Variants in USP13 observed in about 807,000 individuals in gnomAD.
USP13 encodes ubiquitin carboxyl-terminal hydrolase 13.
A neutral mutation model predicts 107.8 loss-of-function variants in USP13; 68 were observed. That is an observed-to-expected ratio of 0.63 (90% CI 0.52 to 0.77). The LOEUF is 0.77. Ranked by LOEUF, USP13 falls within the 30% of genes least tolerant of loss-of-function variation. The probability of loss-of-function intolerance (pLI) is 0.00; values close to 1 mark genes in which losing one functional copy is unlikely to be tolerated. For missense variants in USP13, 945 were observed against 1,093.3 expected (o/e 0.86, Z 1.91); for synonymous variants, 377 against 389.5 (o/e 0.97, Z 0.38).
At position 179,721,709 on chromosome 3, in the gene USP13, C is replaced by A; in HGVS notation, c.1088+120C>A. On this transcript the variant is annotated intron_variant, in intron 8 of 20. Coordinates refer to ENST00000263966, the MANE Select transcript of USP13 (RefSeq NM_003940.3). This position sits in a 1 kb window ranked among gnomAD's most constrained non-coding sequence, Gnocchi z 4.3. ...GCTTCAGGACATTTTGCCACCTTTT[C>A]TCTGGCCTGCCTTCTACAGAGACTG... 1 of 1,062,846 alleles carries A rather than the reference C, an allele frequency of 9.4e-7. No individual in the cohort carries two copies. The highest frequency in any genetic ancestry group is 1.3e-6 in the Non-Finnish European group (1 of 748,410). 65.8% of individuals were successfully genotyped at this position (1,062,846 alleles called of 1,614,324 possible).
At position 179,769,993 on chromosome 3, in the gene USP13, G is replaced by A. The variant is rs530494757; in HGVS notation, c.2413+4145G>A. Among the ~76,000 whole-genome samples the A allele has an allele frequency of 8.5e-5, 13 of 152,266 alleles. No individual in the cohort carries two copies. The South Asian group carries it at 2.7e-3, about 32-fold the overall frequency. On this transcript the variant is annotated intron_variant, in intron 19 of 20. Coordinates refer to ENST00000263966, the MANE Select transcript of USP13 (RefSeq NM_003940.3). ...GTGACTCTCCACAAACACAGCAGGG[G>A]GCCACATCCTGGTCACACTGGTGAC... is the stretch of plus-strand genomic sequence containing the variant.
chr3:179,776,460 G>C (rs1715542708), intron 19 of USP13, among the ~76,000 whole-genome samples: 1 of 152,090 alleles, frequency 6.6e-6, no homozygotes, highest in African/African-American at 2.4e-5. Flanking sequence ...GAGTACAATT[G>C]CTGTTAGGTT....
chr3:179,674,263 C>T (rs1720830134), intron 1 of USP13, among the ~76,000 whole-genome samples: 1 of 152,116 alleles, frequency 6.6e-6, no homozygotes, highest in African/African-American at 2.4e-5. Flanking sequence ...ATCTGTTTGC[C>T]CAGGACATAG....
chr3:179,751,455 G>A (rs1316349851), intron 13 of USP13, among the ~76,000 whole-genome samples: 1 of 152,132 alleles, frequency 6.6e-6, no homozygotes, highest in Non-Finnish European at 1.5e-5. Context: ...AGCCAAAGTT[G>A]CAGTAAGCCC....
intron 19 of USP13, 125 bp downstream of exon 19, chr3:179,765,973 C>A: frequency 2.3e-4 from 202 of 877,938 alleles, no homozygotes; most frequent in Non-Finnish European, 2.9e-4. Context: ...ATCCCATCTT[C>A]TTCGTTTTTT....
rs1248127988 is a variant in USP13 at position 179,754,847 on chromosome 3, C to T, written c.1914C>T (p.Asp638=). 1.2e-6 allele frequency: 2 copies of T among 1,609,928 alleles called. No individual in the cohort carries two copies. The highest frequency in any genetic ancestry group is 1.7e-6 in the Non-Finnish European group (2 of 1,178,380). ...DISPPIVIPD[D]SKDRLMNQLI... ...GCCCCCCCATAGTCATTCCTGATGA[C>T]TCAAAAGGTACCATCTCCTGCCAGG... Residue 638 remains aspartate (D), a synonymous_variant, in exon 15 of 21, where the codon GAC becomes GAT. Transcript: ENST00000263966.
chr3:179,780,665 G>A (rs1259495905), intron 19 of USP13, among the ~76,000 whole-genome samples: 1 of 152,110 alleles, frequency 6.6e-6, no homozygotes, highest in African/African-American at 2.4e-5. Flanking sequence ...ATTTGAGAAC[G>A]GAGGTCATCA....
intron 1 of USP13, among the ~76,000 whole-genome samples, chr3:179,680,007 T>C (rs1238652293): frequency 6.6e-6 from 1 of 152,000 alleles, no homozygotes; most frequent in East Asian, 1.9e-4. Context: ...AAACCCTATC[T>C]CTACAAGAAA....
intron 15 of USP13, 84 bp downstream of exon 15, chr3:179,754,938 T>C: frequency 6.8e-7 from 1 of 1,476,540 alleles, no homozygotes; most frequent in South Asian, 1.4e-5. Context: ...ACTGTGTTGC[T>C]GCTACCACCA....
chr3:179,736,736 C>T (rs1714009194), intron 10 of USP13, among the ~76,000 whole-genome samples: 1 of 152,126 alleles, frequency 6.6e-6, no homozygotes, highest in Non-Finnish European at 1.5e-5. Context: ...AGGTATGGGG[C>T]TGAATTTCTA....
In USP13 at chr3:179,655,560, T is replaced by TG. The variant is rs1560036554; in HGVS notation, c.168+2167_168+2168insG. On this transcript the variant is annotated intron_variant, in intron 1 of 20. Coordinates refer to ENST00000263966, the MANE Select transcript of USP13 (RefSeq NM_003940.3). Reference sequence around the variant, plus strand: ...TGATAATGGGAAGGTTTTTTTTGTTTTGTTTTGTTTTTTTTTTGAGTTTTG... The same window carrying TG: ...TGATAATGGGAAGGTTTTTTTTGTTTGTGTTTTGTTTTTTTTTTGAGTTTTG... Among the ~76,000 whole-genome samples, 599 of 139,006 alleles carry TG rather than the reference T, an allele frequency of 4.3e-3. 14 individuals carry two copies. The highest frequency in any genetic ancestry group is 0.024 in the Middle Eastern group (6 of 252). The allele number at this position is 139,006 out of a possible 152,430, so 91.2% of individuals were successfully genotyped here.
Position 179,786,638 on chromosome 3 carries a change from C to T in USP13, c.*2497C>T, listed in dbSNP as rs1308227317. Reference sequence around the variant, plus strand: ...AATGGGTTTCTTACTTGCTTAAAAGCATATTTATATGTGTATCTCAATATA... The same window carrying T: ...AATGGGTTTCTTACTTGCTTAAAAGTATATTTATATGTGTATCTCAATATA... On this transcript the variant is annotated 3_prime_UTR_variant, in exon 21 of 21. Transcript: ENST00000263966. The T allele has an allele frequency of 6.5e-6, 1 of 153,690 alleles. No individual in the cohort carries two copies. The highest frequency in any genetic ancestry group is 1.9e-4 in the East Asian group (1 of 5,290). The allele number at this position is 153,690 out of a possible 1,614,324, so 9.5% of individuals were successfully genotyped here. A position where few individuals can be genotyped will look rare whatever the true frequency, so the allele number is the denominator to read the frequency against.
rs2108421882 is a variant in USP13, at chr3:179,653,099, C to G, written c.-127C>G. ...CCGCAGCCCGCTCTCCCCGCCCGCC[C>G]CGGCTCGGCCGGCTGCCGTTGCCCG... is the stretch of plus-strand genomic sequence containing the variant. On this transcript the variant is annotated 5_prime_UTR_variant, in exon 1 of 21. Coordinates refer to ENST00000263966, the MANE Select transcript of USP13 (RefSeq NM_003940.3). The surrounding 1 kb of genome is among the most constrained non-coding windows in gnomAD (Gnocchi z 4.0). The G allele has an allele frequency of 1.2e-6, 1 of 855,750 alleles. No homozygotes were observed. Among genetic ancestry groups the G allele is most frequent in the Admixed American group, 6.3e-5 (1 of 15,838 alleles). The allele number at this position is 855,750 out of a possible 1,614,324, so 53.0% of individuals were successfully genotyped here. A position where few individuals can be genotyped will look rare whatever the true frequency, so the allele number is the denominator to read the frequency against.
intron 12 of USP13, among the ~76,000 whole-genome samples, chr3:179,743,314 G>A (rs773549966): frequency 2.0e-5 from 3 of 151,986 alleles, no homozygotes; most frequent in South Asian, 2.1e-4. Flanking sequence ...AAACCGCCAC[G>A]GCACACATAT....
chr3:179,708,714 G>A (rs1044085991), intron 5 of USP13, 59 bp from the exon 6 acceptor site: 139 of 1,590,872 alleles, frequency 8.7e-5, no homozygotes, highest in Non-Finnish European at 1.1e-4. Context: ...TGTCTTCTTA[G>A]ATGTTAAGTT....
chr3:179,708,864 A>G lies in USP13; in HGVS notation c.712A>G (p.Ser238Gly). 1.2e-6 allele frequency: 2 copies of G among 1,614,116 alleles called. No homozygotes were observed. Among genetic ancestry groups the G allele is most frequent in the Non-Finnish European group, 1.7e-6 (2 of 1,180,030 alleles). The change falls in exon 6 of 21, where the codon AGC (serine) becomes GGC (glycine). Residue 238 changes from serine (S) to glycine (G), a missense_variant. By Grantham distance (56) the Ser-to-Gly change is moderately conservative. Transcript: ENST00000263966. ...SVLCGKWFFD[S>G]SGGNGHALEH... is the part of the protein sequence containing the mutation. The stretch of plus-strand genomic sequence containing the variant: ...CCTGTGTGGAAAGTGGTTCTTTGAC[A>G]GCTCTGGGGGCAACGGGCATGCGCT...
At chr3:179,690,858 G>A (rs933921025) in intron 3 of USP13, among the ~76,000 whole-genome samples, 4 of 152,110 alleles carry the variant, frequency 2.6e-5, no homozygotes, top group Admixed American at 6.6e-5. Flanking sequence ...CACTGCACCC[G>A]GCCAATTTTT....
chr3:179,682,050 A>G (rs1316367476), intron 2 of USP13, 47 bp downstream of exon 2: 1 of 1,568,956 alleles, frequency 6.4e-7, no homozygotes, highest in Non-Finnish European at 8.7e-7. Context: ...CTTCCCTGTA[A>G]CGTTGTCTCA....
chr3:179,728,213 C>T (rs1461779778), intron 8 of USP13, among the ~76,000 whole-genome samples: 1 of 147,462 alleles, frequency 6.8e-6, no homozygotes, highest in Non-Finnish European at 1.5e-5. Context: ...ACCCCCCCAC[C>T]TCCCTGCCAG....
Sources: gnomAD v4.1 joint callset for allele counts (sites outside exome capture counted in the v4.1 genomes callset) on GRCh38, gnomAD v4.1.1 for gene constraint, Gnocchi (gnomAD v3.1) non-coding constraint, MANE v1.5 for transcripts, NCBI Gene and HGNC (gene_info 2026-07-23, HGNC 2026-07-21) for gene names.